The following ADK variants were observed in gnomAD, a reference collection of about 807,000 sequenced individuals.
The protein encoded by ADK is N6,N6-dimethyladenosine kinase.
A neutral mutation model predicts 44.7 loss-of-function variants in ADK; 24 were observed. The ratio of observed to expected loss-of-function variants is 0.54; its 90% CI spans 0.39 to 0.76. The LOEUF (loss-of-function observed/expected upper bound fraction) is 0.76, where lower values mean the gene tolerates loss of function less well. ADK is among the 30% of genes least tolerant of loss of function. ADK has a pLI of 0.00. For missense variants in ADK, 321 were observed against 425.1 expected (o/e 0.76, Z 2.15); for synonymous variants, 128 against 142.6 (o/e 0.90, Z 0.73).
chr10:74,280,661 A>G (rs1017772434), intron 3 of ADK, among the ~76,000 whole-genome samples: 1 of 152,050 alleles, frequency 6.6e-6, no homozygotes, highest in African/African-American at 2.4e-5. Flanking sequence ...GGCAGTGTAA[A>G]TTTGGTTTTC....
chr10:74,308,647 T>G (rs1840333786), intron 3 of ADK, among the ~76,000 whole-genome samples: 1 of 152,244 alleles, frequency 6.6e-6, no homozygotes, highest in South Asian at 2.1e-4. Flanking sequence ...GAAATTCTAC[T>G]TGGCAGTTAT....
At chr10:74,406,768 C>A (rs890751581) in intron 6 of ADK, among the ~76,000 whole-genome samples, 3 of 151,968 alleles carry the variant, frequency 2.0e-5, no homozygotes, top group Non-Finnish European at 2.9e-5. Flanking sequence ...GCAACCCCCG[C>A]CTCCTGGGTT....
rs775927704 is a variant in ADK at position 74,322,964 on chromosome 10, A to G, written c.273+8219A>G. Among the ~76,000 whole-genome samples, 210 of 152,188 alleles carry G rather than the reference A, an allele frequency of 1.4e-3. 3 individuals are homozygous for G. Among genetic ancestry groups the G allele is most frequent in the Non-Finnish European group, 2.1e-4 (14 of 68,036 alleles). ...GTTATGGTTGTGCTCTCCAGGATAA[A>G]TCTACACATATCACAGTTATCCACT... On this transcript the variant is annotated intron_variant, in intron 4 of 10. Coordinates refer to ENST00000539909, the MANE Select transcript of ADK (RefSeq NM_006721.4).
At chr10:74,181,239 T>G (rs1842545078) in intron 1 of ADK, among the ~76,000 whole-genome samples, 1 of 151,982 alleles carries the variant, frequency 6.6e-6, no homozygotes, top group Non-Finnish European at 1.5e-5. Context: ...ATAATGATTT[T>G]TTTTTGGGGG....
chr10:74,542,754 T>C (rs186822066), intron 7 of ADK, among the ~76,000 whole-genome samples: 16 of 152,262 alleles, frequency 1.1e-4, no homozygotes, highest in African/African-American at 3.6e-4. Context: ...TACTGTATCT[T>C]CTTTGTTACA....
intron 3 of ADK, among the ~76,000 whole-genome samples, chr10:74,296,022 C>T (rs1434374054): frequency 6.7e-6 from 1 of 148,794 alleles, no homozygotes; most frequent in Non-Finnish European, 1.5e-5. Flanking sequence ...TGTTGGTTCT[C>T]TGTAGATCAT....
At chr10:74,343,952 G>T (rs1841673027) in intron 4 of ADK, among the ~76,000 whole-genome samples, 1 of 152,012 alleles carries the variant, frequency 6.6e-6, no homozygotes, top group Non-Finnish European at 1.5e-5. Flanking sequence ...ATGTAATTTT[G>T]TTTTCTATTC....
At chr10:74,708,217 T>A in intron 10 of ADK, 104 bp from the exon 11 acceptor site, 1 of 1,281,078 alleles carries the variant, frequency 7.8e-7, no homozygotes, top group Non-Finnish European at 1.1e-6. Context: ...CTGTCAAGGC[T>A]GAAGAATGAG....
chr10:74,304,069 G>A (rs1317160654), intron 3 of ADK, among the ~76,000 whole-genome samples: 1 of 152,064 alleles, frequency 6.6e-6, no homozygotes, highest in East Asian at 1.9e-4. Flanking sequence ...ATTGTTATGT[G>A]ATTCATATTT....
intron 4 of ADK, among the ~76,000 whole-genome samples, chr10:74,353,945 A>T (rs1592089836): frequency 6.6e-6 from 1 of 152,232 alleles, no homozygotes; most frequent in Admixed American, 6.5e-5. Context: ...TCTGAATTAC[A>T]GAAAGTCATA....
chr10:74,172,689 CAA>C (rs67914966), intron 1 of ADK, among the ~76,000 whole-genome samples: 6,520 of 66,042 alleles, frequency 0.099, 414 homozygotes, highest in African/African-American at 0.31. Context: ...AACTCCATCT[CAA>C]AAAAAAAAAA....
chr10:74,631,233 C>CGTGT lies in ADK; in HGVS notation c.877+30753_877+30756dup, dbSNP rs142037822. ...TCTGTGTCTATATTTAACCTGTGTG[C>CGTGT]GTGTGTGTGTGTGTGTATGTGTGTG... On this transcript the variant is annotated intron_variant, in intron 9 of 10. Transcript: ENST00000539909. Among the ~76,000 whole-genome samples, 3 of 147,558 alleles carry CGTGT rather than the reference C, an allele frequency of 2.0e-5. No homozygotes were observed. In the South Asian group the frequency reaches 6.4e-4, roughly 32 times the overall value.
chr10:74,589,520 C>T (rs1458727436), intron 8 of ADK, among the ~76,000 whole-genome samples: 1 of 152,092 alleles, frequency 6.6e-6, no homozygotes, highest in Non-Finnish European at 1.5e-5. Context: ...CACCCAACAT[C>T]GCCTACAGAT....
intron 10 of ADK, among the ~76,000 whole-genome samples, chr10:74,697,357 T>C (rs958077882): frequency 6.6e-6 from 1 of 152,124 alleles, no homozygotes; most frequent in Non-Finnish European, 1.5e-5. Flanking sequence ...GGCCACATGG[T>C]GAGACTCCAT....
intron 2 of ADK, among the ~76,000 whole-genome samples, chr10:74,223,247 G>T (rs1487171090): frequency 6.6e-6 from 1 of 152,052 alleles, no homozygotes; most frequent in African/African-American, 2.4e-5. Context: ...GCTAATGGTA[G>T]CTCAGGTCTC....
chr10:74,342,977 C>G (rs1294518427), intron 4 of ADK, among the ~76,000 whole-genome samples: 2 of 152,004 alleles, frequency 1.3e-5, no homozygotes, highest in African/African-American at 4.8e-5. Context: ...ACTATTTTCC[C>G]CCTTCCTTAA....
At chr10:74,305,220 T>C (rs1323231658) in intron 3 of ADK, among the ~76,000 whole-genome samples, 1 of 152,206 alleles carries the variant, frequency 6.6e-6, no homozygotes, top group African/African-American at 2.4e-5. Context: ...GTTGAATCCA[T>C]GGATGTGGAA....
At chr10:74,406,199 ATTG>A (rs1180330210) in intron 6 of ADK, among the ~76,000 whole-genome samples, 1 of 151,984 alleles carries the variant, frequency 6.6e-6, no homozygotes, top group Non-Finnish European at 1.5e-5. Context: ...TAGTTTTGCT[ATTG>A]TTGTTTCATG....
chr10:74,607,567 C>T (rs986272172), intron 9 of ADK, among the ~76,000 whole-genome samples: 1 of 152,204 alleles, frequency 6.6e-6, no homozygotes. Flanking sequence ...TCCTCACTCT[C>T]TTCTGGCTTA....
Sources: gnomAD v4.1 joint callset for allele counts (sites outside exome capture counted in the v4.1 genomes callset) on GRCh38, gnomAD v4.1.1 for gene constraint, MANE v1.5 for transcripts, NCBI Gene and HGNC (gene_info 2026-07-23, HGNC 2026-07-21) for gene names.